ARHGEF26: variants seen among roughly 807,000 people sequenced by gnomAD.
ARHGEF26 encodes the protein Rho guanine nucleotide exchange factor (GEF) 26.
In ARHGEF26, 59 loss-of-function variants were observed where a neutral mutation model predicts 89.4. The ratio of observed to expected loss-of-function variants is 0.66; its 90% CI spans 0.54 to 0.82. The LOEUF is 0.82. Among genes scored for constraint, ARHGEF26 ranks in the 40% least tolerant of loss-of-function variants. The pLI is 0.00. For synonymous variants in ARHGEF26, 500 were observed against 428.4 expected (o/e 1.17, Z -2.06); for missense variants, 1,234 against 1,085.6 (o/e 1.14, Z -1.92).
At chr3:154,176,760 G>A (rs16823767) in intron 6 of ARHGEF26, among the ~76,000 whole-genome samples, 4,130 of 152,160 alleles carry the variant, frequency 0.027, 139 homozygotes, top group East Asian at 0.12. Context: ...GGCCAGAGAC[G>A]TTTTTAGAAG....
chr3:154,131,695 C>T (rs1410159445), intron 4 of ARHGEF26, among the ~76,000 whole-genome samples: 1 of 152,138 alleles, frequency 6.6e-6, no homozygotes, highest in African/African-American at 2.4e-5. Context: ...TTTGTTAGCA[C>T]AGGCCTAAAT....
At chr3:154,182,360 A>G (rs543588117) in intron 6 of ARHGEF26, among the ~76,000 whole-genome samples, 8 of 152,272 alleles carry the variant, frequency 5.3e-5, no homozygotes, top group Non-Finnish European at 1.2e-4. Context: ...GAGCGAGAAT[A>G]GGAGGGCCAA....
intron 10 of ARHGEF26, among the ~76,000 whole-genome samples, chr3:154,222,142 A>G (rs770246205): frequency 5.9e-5 from 9 of 152,228 alleles, no homozygotes; most frequent in Non-Finnish European, 1.0e-4. Flanking sequence ...TCTAGATTCA[A>G]ATCTTTGACT....
chr3:154,251,387 T>G (rs1718136127), intron 12 of ARHGEF26, among the ~76,000 whole-genome samples: 1 of 152,238 alleles, frequency 6.6e-6, no homozygotes, highest in Non-Finnish European at 1.5e-5. Flanking sequence ...CTGGAGTTTA[T>G]AGCCTGGTAA....
chr3:154,136,382 A>C (rs1719010217), intron 4 of ARHGEF26, among the ~76,000 whole-genome samples: 1 of 152,154 alleles, frequency 6.6e-6, no homozygotes, highest in Non-Finnish European at 1.5e-5. Flanking sequence ...TGGGAGATCT[A>C]GAATTCAGAC....
chr3:154,129,422 C>T (rs1312008950), intron 3 of ARHGEF26, among the ~76,000 whole-genome samples, 152 bp from the exon 4 acceptor site: 1 of 152,170 alleles, frequency 6.6e-6, no homozygotes, highest in Non-Finnish European at 1.5e-5. Flanking sequence ...GAGAAAATCA[C>T]TTTTCTGTAA....
At chr3:154,165,829 G>T (rs1711985170) in intron 6 of ARHGEF26, among the ~76,000 whole-genome samples, 1 of 152,158 alleles carries the variant, frequency 6.6e-6, no homozygotes, top group Non-Finnish European at 1.5e-5. Flanking sequence ...TCACACTGGA[G>T]AATTCTTTTT....
rs373333725 is a variant in ARHGEF26, at chr3:154,188,320, A to G, written c.1640+483A>G. On this transcript the variant is annotated intron_variant, in intron 7 of 14. Transcript: ENST00000465093. Reference sequence around the variant, plus strand: ...GATTATTCCCCCCACTTGGGTAGTTAGAGTTGAAGAGAGGAGGGAAGTTCT... The same window carrying G: ...GATTATTCCCCCCACTTGGGTAGTTGGAGTTGAAGAGAGGAGGGAAGTTCT... Among the ~76,000 whole-genome samples the G allele has an allele frequency of 6.7e-4, 102 of 152,338 alleles. 1 individual carries two copies. The South Asian group carries it at 0.021, about 31-fold the overall frequency.
At chr3:154,194,809 G>A in intron 9 of ARHGEF26, 91 bp downstream of exon 9, 1 of 1,104,898 alleles carries the variant, frequency 9.1e-7, no homozygotes, top group South Asian at 1.4e-5. Flanking sequence ...CTGAAAACTG[G>A]TAGAGTCTCA....
intron 9 of ARHGEF26, among the ~76,000 whole-genome samples, chr3:154,210,902 C>T (rs1715321633): frequency 6.6e-6 from 1 of 151,146 alleles, no homozygotes; most frequent in African/African-American, 2.4e-5. Context: ...AAGGTCGCAC[C>T]ATTGCACTCT....
rs1222931657 is a variant in ARHGEF26, at chr3:154,219,893, G to A, written c.1935+1935G>A. ...CGTGCCACTGCACTCCAGCCTGGGC[G>A]ACAGAGCGAGACTCCGTCTCAAAAA... On this transcript the variant is annotated intron_variant, in intron 10 of 14. Transcript: ENST00000465093. Among the ~76,000 whole-genome samples the A allele has an allele frequency of 5.3e-5, 8 of 150,700 alleles. No individual in the cohort carries two copies. In the South Asian group the frequency reaches 8.4e-4, roughly 16 times the overall value.
At chr3:154,123,186 C>A in intron 2 of ARHGEF26, 111 bp downstream of exon 2, 1 of 1,454,006 alleles carries the variant, frequency 6.9e-7, no homozygotes, top group Admixed American at 2.2e-5. Flanking sequence ...CGTTTTAATT[C>A]TGTGTTTTGC....
chr3:154,148,630 C>G (rs1171698113), intron 4 of ARHGEF26, among the ~76,000 whole-genome samples: 1 of 152,118 alleles, frequency 6.6e-6, no homozygotes, highest in South Asian at 2.1e-4. Context: ...TTGCTGGTGA[C>G]CTCACCTGCA....
chr3:154,155,471 C>G (rs933203857), intron 6 of ARHGEF26, among the ~76,000 whole-genome samples: 23 of 151,492 alleles, frequency 1.5e-4, no homozygotes, highest in African/African-American at 5.6e-4. Context: ...TTTTTCTGCT[C>G]AAAAAGTTAG....
intron 4 of ARHGEF26, among the ~76,000 whole-genome samples, chr3:154,131,581 GTCATTCAGT>G (rs985392677): frequency 1.4e-4 from 22 of 152,190 alleles, no homozygotes; most frequent in Non-Finnish European, 2.6e-4. Flanking sequence ...CTAAATGGCT[GTCATTCAGT>G]TCATTCAGTT....
intron 13 of ARHGEF26, among the ~76,000 whole-genome samples, chr3:154,253,888 C>T (rs1040323865): frequency 3.3e-5 from 5 of 152,104 alleles, no homozygotes; most frequent in Admixed American, 6.5e-5. Flanking sequence ...TGAAAGTTCC[C>T]GGAAATCAAG....
chr3:154,228,121 T>A (rs1349722845), intron 11 of ARHGEF26, among the ~76,000 whole-genome samples: 3 of 149,156 alleles, frequency 2.0e-5, no homozygotes, highest in African/African-American at 7.5e-5. Flanking sequence ...GCAATGCCAT[T>A]GGGAGTCTTT....
At chr3:154,174,367 G>C (rs1712667763) in intron 6 of ARHGEF26, among the ~76,000 whole-genome samples, 1 of 152,158 alleles carries the variant, frequency 6.6e-6, no homozygotes, top group Non-Finnish European at 1.5e-5. Context: ...CAACCCACCA[G>C]CCATCCATTT....
At chr3:154,221,473 A>T (rs1716124684) in intron 10 of ARHGEF26, among the ~76,000 whole-genome samples, 1 of 152,204 alleles carries the variant, frequency 6.6e-6, no homozygotes, top group South Asian at 2.1e-4. Context: ...TTTTACTTCT[A>T]AGAATTCTAC....
Sources: allele counts gnomAD v4.1 joint callset (sites outside exome capture counted in the v4.1 genomes callset), GRCh38; gene constraint gnomAD v4.1.1; transcripts MANE v1.5; gene names NCBI Gene and HGNC (gene_info 2026-07-23, HGNC 2026-07-21).